FAM227B: variants seen among roughly 807,000 people sequenced by gnomAD.
The protein encoded by FAM227B is family with sequence similarity 227 member B, also known as protein FAM227B.
FAM227B carries 88 observed loss-of-function variants against 73.8 expected under a neutral mutation model. The ratio of observed to expected loss-of-function variants is 1.19; its 90% confidence interval spans 1.00 to 1.42. The LOEUF (loss-of-function observed/expected upper bound fraction) is 1.42, where lower values mean the gene tolerates loss of function less well. Ranked by LOEUF, FAM227B falls within the 40% of genes most tolerant of loss-of-function variation. The probability of loss-of-function intolerance (pLI) is 0.00; values close to 1 mark genes in which losing one functional copy is unlikely to be tolerated. For missense variants in FAM227B, 632 were observed against 590.9 expected (o/e 1.07, Z -0.72); for synonymous variants, 210 against 190.5 (o/e 1.10, Z -0.84).
At chr15:49,538,046 AAGAATCACGGAC>A (rs1195348678) in intron 10 of FAM227B, among the ~76,000 whole-genome samples, 1 of 152,218 alleles carries the variant, frequency 6.6e-6, no homozygotes, top group African/African-American at 2.4e-5. Context: ...CTGTTAAAAA[AAGAATCACGGAC>A]AGAAAATTTT....
At chr15:49,474,890 T>G (rs890064043) in intron 11 of FAM227B, among the ~76,000 whole-genome samples, 2 of 152,134 alleles carry the variant, frequency 1.3e-5, no homozygotes, top group African/African-American at 4.8e-5. Flanking sequence ...TCCCCCCGGC[T>G]CCCGTCCCCT....
At chr15:49,551,735 C>T (rs1415741876) in intron 9 of FAM227B, among the ~76,000 whole-genome samples, 1 of 152,054 alleles carries the variant, frequency 6.6e-6, no homozygotes, top group Non-Finnish European at 1.5e-5. Context: ...TAGTTTCTTG[C>T]TTTGTATTTT....
intron 13 of FAM227B, among the ~76,000 whole-genome samples, chr15:49,360,903 A>G (rs11633981): frequency 0.17 from 25,583 of 152,124 alleles, 2,416 homozygotes; most frequent in Non-Finnish European, 0.21. Context: ...AGTCCTCTCC[A>G]TACATACCTC....
intron 13 of FAM227B, among the ~76,000 whole-genome samples, chr15:49,357,952 T>C (rs1177256183): frequency 1.3e-5 from 2 of 152,000 alleles, no homozygotes; most frequent in Non-Finnish European, 2.9e-5. Context: ...TCAATAAATG[T>C]AATCCAGCAT....
chr15:49,373,842 A>C (rs948252760), intron 11 of FAM227B, among the ~76,000 whole-genome samples: 1 of 152,196 alleles, frequency 6.6e-6, no homozygotes, highest in Non-Finnish European at 1.5e-5. Context: ...ATAATTGACT[A>C]AACTATACAA....
chr15:49,378,191 G>A (rs1425913166), intron 11 of FAM227B, among the ~76,000 whole-genome samples: 3 of 151,958 alleles, frequency 2.0e-5, no homozygotes, highest in Non-Finnish European at 4.4e-5. Context: ...TTGTTTCTGG[G>A]TTCTATATTC....
At chr15:49,587,224 G>C (rs954840551) in intron 5 of FAM227B, among the ~76,000 whole-genome samples, 21 of 152,088 alleles carry the variant, frequency 1.4e-4, no homozygotes, top group Non-Finnish European at 2.9e-4. Context: ...GCAAACTAAT[G>C]CAGGAACAGA....
intron 11 of FAM227B, chr15:49,486,773 T>C (rs971811951): frequency 2.6e-5 from 4 of 151,876 alleles, no homozygotes; most frequent in Non-Finnish European, 5.9e-5. Flanking sequence ...TCTAGAAATA[T>C]GTACTTTAAT....
chr15:49,453,258 C>T (rs1433483630), intron 11 of FAM227B, among the ~76,000 whole-genome samples: 2 of 151,884 alleles, frequency 1.3e-5, no homozygotes, highest in African/African-American at 2.4e-5. Flanking sequence ...AAAATATATA[C>T]ATATTTTCAT....
rs80164329 is a variant in FAM227B, at chr15:49,574,022, T to C, written c.645+989A>G. Among the ~76,000 whole-genome samples, 1,238 of 152,298 alleles carry C rather than the reference T, an allele frequency of 8.1e-3. 20 individuals are homozygous for C. The highest frequency in any genetic ancestry group is 0.029 in the African/African-American group (1,200 of 41,570). Reference sequence around the variant, plus strand: ...ATTGACCACTTCAACATTATAAAATTACTTTCTTTATCCCTGGCAACATTG... The same window carrying C: ...ATTGACCACTTCAACATTATAAAATCACTTTCTTTATCCCTGGCAACATTG... On this transcript the variant is annotated intron_variant, in intron 8 of 15. Transcript: ENST00000299338.
intron 1 of FAM227B, among the ~76,000 whole-genome samples, chr15:49,617,196 T>C (rs1243623811): frequency 6.6e-6 from 1 of 152,102 alleles, no homozygotes; most frequent in Non-Finnish European, 1.5e-5. Context: ...AAGATTATTA[T>C]TTATGGACTA....
At chr15:49,457,315 C>T (rs1451841081) in intron 11 of FAM227B, among the ~76,000 whole-genome samples, 3 of 151,832 alleles carry the variant, frequency 2.0e-5, no homozygotes, top group African/African-American at 4.8e-5. Flanking sequence ...ATCAAATCAG[C>T]GTGTAAACTA....
intron 10 of FAM227B, among the ~76,000 whole-genome samples, chr15:49,534,136 A>G (rs1304250237): frequency 2.0e-5 from 3 of 151,836 alleles, no homozygotes; most frequent in African/African-American, 4.8e-5. Context: ...GGAAGTAATC[A>G]TTTCCCATGA....
At chr15:49,331,228 C>A (rs1012056152) in intron 15 of FAM227B, 2 of 152,990 alleles carry the variant, frequency 1.3e-5, no homozygotes, top group South Asian at 4.1e-4. Flanking sequence ...CTAGTCTCTA[C>A]ATGTTCTTGT....
At chr15:49,395,980 CT>C (rs1228708968) in intron 11 of FAM227B, 10 of 455,800 alleles carry the variant, frequency 2.2e-5, no homozygotes, top group African/African-American at 2.0e-4. Flanking sequence ...CTTACCAAAA[CT>C]GGGGGCGAGG....
chr15:49,457,980 C>G (rs1313725880), intron 11 of FAM227B, among the ~76,000 whole-genome samples: 1 of 151,854 alleles, frequency 6.6e-6, no homozygotes, highest in Non-Finnish European at 1.5e-5. Flanking sequence ...GCATCACTTT[C>G]TTGATTGATA....
At chr15:49,345,009 A>G (rs138505213) in intron 13 of FAM227B, among the ~76,000 whole-genome samples, 29 of 152,318 alleles carry the variant, frequency 1.9e-4, no homozygotes, top group African/African-American at 6.0e-4. Flanking sequence ...CTTTATTTGC[A>G]TACAGCTATT....
At chr15:49,495,924 G>GAGGC (rs1204407740) in intron 11 of FAM227B, among the ~76,000 whole-genome samples, 1 of 152,122 alleles carries the variant, frequency 6.6e-6, no homozygotes, top group Non-Finnish European at 1.5e-5. Context: ...TTGGGAGACT[G>GAGGC]AGGCAGAAGA....
At chr15:49,502,510 G>A (rs2058225268) in intron 11 of FAM227B, among the ~76,000 whole-genome samples, 1 of 152,204 alleles carries the variant, frequency 6.6e-6, no homozygotes, top group African/African-American at 2.4e-5. Context: ...TTTTCTTTTG[G>A]CCGATTTCTC....
Sources: gnomAD v4.1 joint callset for allele counts (sites outside exome capture counted in the v4.1 genomes callset) on GRCh38, gnomAD v4.1.1 for gene constraint, MANE v1.5 for transcripts, NCBI Gene and HGNC (gene_info 2026-07-23, HGNC 2026-07-21) for gene names.